Variants in SPAG17 observed in about 807,000 individuals in gnomAD.
The protein encoded by SPAG17 is sperm associated antigen 17.
SPAG17 carries 169 observed loss-of-function variants against 273.6 expected under a neutral mutation model. The ratio of observed to expected loss-of-function variants is 0.62; its 90% CI spans 0.55 to 0.70. The LOEUF (loss-of-function observed/expected upper bound fraction) is 0.70, where lower values mean the gene tolerates loss of function less well. SPAG17 is among the 30% of genes least tolerant of loss of function. The probability of loss-of-function intolerance (pLI) is 0.00; values close to 1 mark genes in which losing one functional copy is unlikely to be tolerated. For missense variants in SPAG17, 2,557 were observed against 2,627.8 expected (o/e 0.97, Z 0.59); for synonymous variants, 825 against 873.2 (o/e 0.94, Z 0.97).
At position 117,970,060 on chromosome 1, in the gene SPAG17, C is replaced by G. The variant is rs1015163155; in HGVS notation, c.6383G>C (p.Gly2128Ala). 1 of 1,613,492 alleles carries G rather than the reference C, an allele frequency of 6.2e-7. No homozygotes were observed. Among genetic ancestry groups the G allele is most frequent in the Non-Finnish European group, 8.5e-7 (1 of 1,179,752 alleles). The change falls in exon 46 of 49, where the codon GGA becomes GCA. Residue 2128 changes from glycine to alanine, a missense_variant. Gly to Ala is a moderately conservative substitution (Grantham distance 60, BLOSUM62 0). Coordinates refer to ENST00000336338, the MANE Select transcript of SPAG17 (RefSeq NM_206996.4). ...CAGATGACATATAGGACTTACAGGT[C>G]CAGGTTTGTAAGTCACTTTCAGTCC... ...STGLKVTYKP[G>A]PVAAGMQTEL...
At chr1:118,010,375 C>A (rs574412460) in intron 30 of SPAG17, among the ~76,000 whole-genome samples, 1 of 151,936 alleles carries the variant, frequency 6.6e-6, no homozygotes, top group Non-Finnish European at 1.5e-5. Flanking sequence ...ACACATAGAC[C>A]AATGGAACAG....
chr1:118,084,759 G>A (rs1654853834), intron 13 of SPAG17, among the ~76,000 whole-genome samples: 1 of 152,192 alleles, frequency 6.6e-6, no homozygotes, highest in Non-Finnish European at 1.5e-5. Context: ...CTCCTGCTCA[G>A]TAATGTAAGG....
intron 4 of SPAG17, among the ~76,000 whole-genome samples, chr1:118,105,744 G>A (rs1203519212): frequency 6.6e-6 from 1 of 152,094 alleles, no homozygotes; most frequent in African/African-American, 2.4e-5. Context: ...GGGCTTCAGT[G>A]ATGACAAGGT....
Position 117,988,136 on chromosome 1 carries a change from A to G in SPAG17, c.5590T>C (p.Phe1864Leu). Residue 1864 changes from phenylalanine (F) to leucine (L), a missense_variant, in exon 39 of 49, where the codon TTT becomes CTT. Coordinates refer to ENST00000336338, the MANE Select transcript of SPAG17 (RefSeq NM_206996.4). Reference protein sequence around the residue: ...ATPPKCPPDTFGKDFFEKTWR... With the variant: ...ATPPKCPPDTLGKDFFEKTWR... ...GTCTTTTCAAAGAAATCTTTACCAA[A>G]TGTGTCTGGTGGGCATTTTGGAGGC... 1.2e-6 allele frequency: 2 copies of G among 1,607,728 alleles called. No homozygotes were observed. The highest frequency in any genetic ancestry group is 1.7e-6 in the Non-Finnish European group (2 of 1,178,236).
Position 117,966,596 on chromosome 1 carries a change from C to A in SPAG17, c.6532+13G>T, listed in dbSNP as rs1653880770. Reference sequence around the variant, plus strand: ...ACTATATATGATTACTCAAGTTGAACTTTAAAGGATATTTGCTTCCACAGG... The same window carrying A: ...ACTATATATGATTACTCAAGTTGAAATTTAAAGGATATTTGCTTCCACAGG... On this transcript the variant is annotated intron_variant, in intron 47 of 48. Coordinates refer to ENST00000336338, the MANE Select transcript of SPAG17 (RefSeq NM_206996.4). 2 of 1,596,468 alleles carry A rather than the reference C, an allele frequency of 1.3e-6. No individual in the cohort carries two copies. Among genetic ancestry groups the A allele is most frequent in the African/African-American group, 2.7e-5 (2 of 74,228 alleles).
intron 1 of SPAG17, among the ~76,000 whole-genome samples, chr1:118,173,393 G>A (rs1490695011): frequency 6.6e-6 from 1 of 152,152 alleles, no homozygotes; most frequent in African/African-American, 2.4e-5. Flanking sequence ...TAAGCTTTCA[G>A]TGGGCAGCCC....
At chr1:118,053,932 G>A in intron 20 of SPAG17, 70 bp downstream of exon 20, 1 of 1,175,266 alleles carries the variant, frequency 8.5e-7, no homozygotes, top group Non-Finnish European at 1.2e-6. Context: ...CTGCCCCAAA[G>A]TCAACCACTA....
chr1:117,996,531 C>G (rs1281411263), intron 33 of SPAG17, 31 bp from the exon 34 acceptor site: 23 of 1,605,902 alleles, frequency 1.4e-5, no homozygotes, highest in Non-Finnish European at 2.0e-5. Flanking sequence ...ATAATCACTT[C>G]AAGTATTCCG....
rs1328815798 is a variant in SPAG17 at position 118,169,106 on chromosome 1, A to C, written c.87+15965T>G. Among the ~76,000 whole-genome samples, 4 of 152,196 alleles carry C rather than the reference A, an allele frequency of 2.6e-5. No homozygotes were observed. In the East Asian group the frequency reaches 7.7e-4, roughly 29 times the overall value. ...ATTTTCCTAGGATGTTGCCAAACTC[A>C]TACTGGCAACACTTATATTTTACTT... is the stretch of plus-strand genomic sequence containing the variant. On this transcript the variant is annotated intron_variant, in intron 1 of 48. Coordinates refer to ENST00000336338, the MANE Select transcript of SPAG17 (RefSeq NM_206996.4).
At chr1:118,027,676 T>C (rs1459905305) in intron 26 of SPAG17, among the ~76,000 whole-genome samples, 2 of 152,220 alleles carry the variant, frequency 1.3e-5, no homozygotes, top group African/African-American at 2.4e-5. Context: ...CAAATGCAGA[T>C]GCCTCATCAG....
At chr1:118,159,055 A>G (rs901937820) in intron 1 of SPAG17, among the ~76,000 whole-genome samples, 2 of 152,250 alleles carry the variant, frequency 1.3e-5, no homozygotes, top group Non-Finnish European at 2.9e-5. Flanking sequence ...ACTTTTACAC[A>G]TGCTTAGCAT....
At chr1:118,076,445 AT>A in intron 15 of SPAG17, 1 of 152,288 alleles carries the variant, frequency 6.6e-6, no homozygotes, top group South Asian at 2.1e-4. Context: ...ATTTATATAA[AT>A]ACATCCACTG....
At chr1:117,994,293 T>G in intron 35 of SPAG17, 113 bp downstream of exon 35, 2 of 1,190,446 alleles carry the variant, frequency 1.7e-6, no homozygotes, top group Non-Finnish European at 2.3e-6. Flanking sequence ...CATTAAAAAT[T>G]TACATAAGAA....
chr1:117,980,216 CT>C (rs569890235), intron 43 of SPAG17, among the ~76,000 whole-genome samples: 11 of 151,868 alleles, frequency 7.2e-5, no homozygotes, highest in African/African-American at 2.7e-4. Context: ...TGGGGTAAAT[CT>C]TTTTTTTCTT....
Position 118,131,295 on chromosome 1 carries a change from C to T in SPAG17, c.316-15854G>A, listed in dbSNP as rs565448444. ...CACCAAATGTGCCTCAGAGCCTTTG[C>T]TTTTGCAGTTTCCCCTGCTCGGGAG... On this transcript the variant is annotated intron_variant, in intron 3 of 48. Coordinates refer to ENST00000336338, the MANE Select transcript of SPAG17 (RefSeq NM_206996.4). 9.2e-5 allele frequency among the ~76,000 whole-genome samples: 14 copies of T among 152,328 alleles called. No homozygotes were observed. In the South Asian group the frequency reaches 2.9e-3, roughly 32 times the overall value.
chr1:118,066,884 G>A lies in SPAG17; in HGVS notation c.2401C>T (p.His801Tyr), dbSNP rs1259215119. ...GAATCAACACACCTATATTGCTTAT[G>A]GGCTTCTTGAAGGACCTGAAAATCA... ...KVLLQVLQEA[H>Y]KQYRCVDSYY... Residue 801 changes from histidine (H) to tyrosine (Y), a missense_variant, in exon 18 of 49, where the codon CAT becomes TAT. Transcript: ENST00000336338. 1 of 1,602,772 alleles carries A rather than the reference G, an allele frequency of 6.2e-7. No homozygotes were observed. The highest frequency in any genetic ancestry group is 2.2e-5 in the East Asian group (1 of 44,722).
chr1:118,084,190 T>C (rs1382953318), intron 13 of SPAG17, among the ~76,000 whole-genome samples: 2 of 152,086 alleles, frequency 1.3e-5, no homozygotes, highest in Admixed American at 6.5e-5. Flanking sequence ...AGAAATGACA[T>C]ACCAGGCCCT....
chr1:118,137,429 G>T (rs1658427169), intron 3 of SPAG17, among the ~76,000 whole-genome samples: 1 of 152,106 alleles, frequency 6.6e-6, no homozygotes, highest in African/African-American at 2.4e-5. Context: ...TACTATGCAG[G>T]GCATCCTGTT....
In SPAG17 at chr1:117,983,430, T is replaced by A. The variant is rs115410536; in HGVS notation, c.5872+381A>T. On this transcript the variant is annotated intron_variant, in intron 42 of 48. Transcript: ENST00000336338. Reference sequence around the variant, plus strand: ...TAGGTTGTCTCATTGTTGGTAGGAGTTTGATGACTTAGTTAAGGTAGAAAA... The same window carrying A: ...TAGGTTGTCTCATTGTTGGTAGGAGATTGATGACTTAGTTAAGGTAGAAAA... Among the ~76,000 whole-genome samples, 844 of 152,234 alleles carry A rather than the reference T, an allele frequency of 5.5e-3. 6 individuals carry two copies. The highest frequency in any genetic ancestry group is 0.019 in the African/African-American group (800 of 41,546).
Sources: allele counts gnomAD v4.1 joint callset (sites outside exome capture counted in the v4.1 genomes callset), GRCh38; gene constraint gnomAD v4.1.1; transcripts MANE v1.5; gene names NCBI Gene and HGNC (gene_info 2026-07-23, HGNC 2026-07-21).